FER: variants seen among roughly 807,000 people sequenced by gnomAD.
FER encodes the protein FER tyrosine kinase, also known as tyrosine-protein kinase Fer.
In FER, 63 loss-of-function variants were observed where a neutral mutation model predicts 111.0. That is an observed-to-expected ratio of 0.57 (90% CI 0.46 to 0.70). The LOEUF is 0.70. Among genes scored for constraint, FER ranks in the 30% least tolerant of loss-of-function variants. The pLI is 0.00. For synonymous variants in FER, 327 were observed against 313.9 expected, an observed-to-expected ratio of 1.04 and a Z score of -0.44; for missense variants, 914 against 954.0, an observed-to-expected ratio of 0.96 and a Z score of 0.55.
chr5:108,983,521 A>G (rs1192688667), intron 13 of FER, among the ~76,000 whole-genome samples: 2 of 152,066 alleles, frequency 1.3e-5, no homozygotes, highest in Non-Finnish European at 2.9e-5. Context: ...TAGTAAATTA[A>G]TTTTTGTCCT....
At chr5:108,773,326 C>G (rs539227019) in intron 2 of FER, among the ~76,000 whole-genome samples, 2 of 152,210 alleles carry the variant, frequency 1.3e-5, no homozygotes, top group South Asian at 4.1e-4. Flanking sequence ...GCTATTCTTC[C>G]TGATGCTCTC....
At chr5:108,993,748 C>G (rs1763638508) in intron 13 of FER, among the ~76,000 whole-genome samples, 2 of 152,126 alleles carry the variant, frequency 1.3e-5, no homozygotes. Flanking sequence ...TTCCCACCAA[C>G]AGTGTAAAAG....
intron 11 of FER, 72 bp downstream of exon 11, chr5:108,946,294 A>G: frequency 2.1e-6 from 2 of 967,814 alleles, no homozygotes; most frequent in African/African-American, 1.6e-5. Context: ...ACTAATGAAT[A>G]TATATATATG....
At chr5:108,964,371 T>C (rs1581420709) in intron 13 of FER, among the ~76,000 whole-genome samples, 1 of 152,234 alleles carries the variant, frequency 6.6e-6, no homozygotes. Context: ...ATCTGTGTGG[T>C]TGTATAAAGG....
At chr5:109,034,351 A>G (rs542360492) in intron 13 of FER, among the ~76,000 whole-genome samples, 86 of 152,236 alleles carry the variant, frequency 5.6e-4, no homozygotes, top group African/African-American at 2.0e-3. Flanking sequence ...TCAATCCATG[A>G]TGGACATGTT....
intron 10 of FER, among the ~76,000 whole-genome samples, chr5:108,909,883 C>T (rs1189238539): frequency 6.6e-6 from 1 of 151,072 alleles, no homozygotes; most frequent in East Asian, 1.9e-4. Flanking sequence ...TAAACTTATG[C>T]TACATAAAGA....
intron 16 of FER, among the ~76,000 whole-genome samples, chr5:109,056,986 G>C (rs946847161): frequency 6.6e-6 from 1 of 152,100 alleles, no homozygotes; most frequent in Non-Finnish European, 1.5e-5. Context: ...AGAATTTAGA[G>C]TGAGATTTTA....
In FER at chr5:108,837,631, A is replaced by C. The variant is rs934740662; in HGVS notation, c.481+1824A>C. On this transcript the variant is annotated intron_variant, in intron 5 of 19. Coordinates refer to ENST00000281092, the MANE Select transcript of FER (RefSeq NM_005246.4). ...AATTATTAGTTAGAAAAAGAAATAC[A>C]TAAGTACTTTCAAGTCTTTGATATC... Among the ~76,000 whole-genome samples the C allele has an allele frequency of 2.0e-5, 3 of 152,320 alleles. No individual in the cohort carries two copies. In the South Asian group the frequency reaches 6.2e-4, roughly 32 times the overall value.
chr5:109,053,031 C>G (rs1773061906), intron 16 of FER, among the ~76,000 whole-genome samples: 1 of 152,094 alleles, frequency 6.6e-6, no homozygotes, highest in Admixed American at 6.5e-5. Context: ...GCAGGTATTT[C>G]AAATAATGAT....
intron 13 of FER, among the ~76,000 whole-genome samples, chr5:109,022,414 A>T (rs72790544): frequency 1.3e-5 from 2 of 152,004 alleles, no homozygotes; most frequent in African/African-American, 4.8e-5. Flanking sequence ...GGCTTGCAGT[A>T]CAGGACCTGG....
intron 5 of FER, among the ~76,000 whole-genome samples, chr5:108,844,982 T>A (rs1283762962): frequency 1.8e-5 from 1 of 55,474 alleles, no homozygotes. Context: ...TGTTCATTGC[T>A]GGTGTGTGTG....
chr5:108,830,383 G>A (rs924305283), intron 3 of FER, among the ~76,000 whole-genome samples: 3 of 152,196 alleles, frequency 2.0e-5, no homozygotes, highest in South Asian at 2.1e-4. Flanking sequence ...GGACCCAGGA[G>A]GTGGAGGTTG....
intron 18 of FER, among the ~76,000 whole-genome samples, chr5:109,183,277 TTTGCTCTG>T (rs1292552372): frequency 8.7e-6 from 1 of 114,932 alleles, no homozygotes; most frequent in African/African-American, 3.3e-5. Context: ...GAGATGGAGT[TTTGCTCTG>T]TTGCCCAGGC....
At chr5:109,131,242 C>T (rs1752327760) in intron 17 of FER, among the ~76,000 whole-genome samples, 1 of 152,146 alleles carries the variant, frequency 6.6e-6, no homozygotes, top group South Asian at 2.1e-4. Context: ...TTTATTTGAG[C>T]TTTAGATTAA....
intron 17 of FER, among the ~76,000 whole-genome samples, chr5:109,172,629 T>C (rs902944565): frequency 8.6e-5 from 13 of 151,844 alleles, no homozygotes; most frequent in Non-Finnish European, 1.6e-4. Flanking sequence ...AAACTTAAAG[T>C]ATAATAATAA....
chr5:109,155,971 A>G (rs1755332379), intron 17 of FER, among the ~76,000 whole-genome samples: 1 of 152,032 alleles, frequency 6.6e-6, no homozygotes, highest in Non-Finnish European at 1.5e-5. Context: ...TGGATTTGTA[A>G]CAAGTGGCAA....
intron 11 of FER, among the ~76,000 whole-genome samples, chr5:108,949,417 G>A (rs1311853569): frequency 6.6e-6 from 1 of 151,922 alleles, no homozygotes; most frequent in Non-Finnish European, 1.5e-5. Context: ...TGATAAACAA[G>A]GGAAAATAAA....
chr5:109,157,074 G>GT (rs1167795885), intron 17 of FER, among the ~76,000 whole-genome samples: 1 of 152,034 alleles, frequency 6.6e-6, no homozygotes, highest in Non-Finnish European at 1.5e-5. Context: ...ATATCATAGT[G>GT]TTTTTTGAAA....
chr5:108,856,575 C>T (rs1483533385), intron 5 of FER, among the ~76,000 whole-genome samples: 1 of 152,092 alleles, frequency 6.6e-6, no homozygotes, highest in Non-Finnish European at 1.5e-5. Context: ...AACATGATGA[C>T]TATTTGGTCA....
Sources: allele counts gnomAD v4.1 joint callset (sites outside exome capture counted in the v4.1 genomes callset), GRCh38; gene constraint gnomAD v4.1.1; transcripts MANE v1.5; gene names NCBI Gene and HGNC (gene_info 2026-07-23, HGNC 2026-07-21).